Variants in GRM8 observed in about 807,000 individuals in gnomAD.
The protein encoded by GRM8 is metabotropic glutamate receptor 8.
Under a neutral mutation model 87.2 loss-of-function variants are expected in GRM8, and 47 were observed. That is an observed-to-expected ratio of 0.54 (90% CI 0.43 to 0.69). The LOEUF (loss-of-function observed/expected upper bound fraction) is 0.69. Ranked by LOEUF, GRM8 falls within the 30% of genes least tolerant of loss-of-function variation. GRM8 has a pLI of 0.00. For missense variants in GRM8, 1,019 were observed against 1,139.2 expected, an observed-to-expected ratio of 0.89 and a Z score of 1.52; for synonymous variants, 396 against 404.5, an observed-to-expected ratio of 0.98 and a Z score of 0.25.
chr7:126,677,283 T>C (rs886078694), intron 7 of GRM8, among the ~76,000 whole-genome samples: 1 of 148,422 alleles, frequency 6.7e-6, no homozygotes, highest in Non-Finnish European at 1.5e-5. Context: ...CTATAGAAAA[T>C]AGCACGGAAA....
intron 7 of GRM8, among the ~76,000 whole-genome samples, chr7:126,672,986 A>G (rs1186370419): frequency 1.3e-5 from 2 of 152,244 alleles, no homozygotes; most frequent in East Asian, 3.9e-4. Flanking sequence ...TGGCAGTTAG[A>G]TGTATTTCTC....
chr7:127,067,298 C>A (rs528051705), intron 3 of GRM8, among the ~76,000 whole-genome samples: 188 of 152,274 alleles, frequency 1.2e-3, no homozygotes, highest in Non-Finnish European at 1.5e-3. Context: ...AGCATTTCTG[C>A]AACATATACC....
In GRM8 at chr7:126,500,929, C is replaced by T. The variant is rs144383376; in HGVS notation, c.2430+32023G>A. On this transcript the variant is annotated intron_variant, in intron 9 of 10. Transcript: ENST00000339582. ...GCTATTTGCTATTTGTTATGCTCTC[C>T]CTTAGTCTTTGTTTATCAAATCACA... Among the ~76,000 whole-genome samples the T allele has an allele frequency of 8.9e-4, 136 of 152,012 alleles. 1 individual carries two copies. The highest frequency in any genetic ancestry group is 2.7e-3 in the African/African-American group (111 of 41,520).
At chr7:126,972,646 T>C (rs1810546650) in intron 3 of GRM8, among the ~76,000 whole-genome samples, 1 of 152,226 alleles carries the variant, frequency 6.6e-6, no homozygotes, top group African/African-American at 2.4e-5. Context: ...GGAAGGATAT[T>C]GTCAGTTCAT....
chr7:127,119,846 A>C (rs1826926597), intron 2 of GRM8, among the ~76,000 whole-genome samples: 1 of 152,124 alleles, frequency 6.6e-6, no homozygotes, highest in Non-Finnish European at 1.5e-5. Context: ...TTTGTTGGCT[A>C]TTCTTCCCTT....
intron 8 of GRM8, among the ~76,000 whole-genome samples, chr7:126,593,948 GC>G (rs1170189641): frequency 6.6e-6 from 1 of 151,890 alleles, no homozygotes; most frequent in Non-Finnish European, 1.5e-5. Context: ...CTGAATAGAT[GC>G]TTTTCAAAAG....
At chr7:126,727,850 T>A (rs1021271624) in intron 7 of GRM8, among the ~76,000 whole-genome samples, 5 of 152,088 alleles carry the variant, frequency 3.3e-5, no homozygotes, top group Admixed American at 1.3e-4. Flanking sequence ...CCTGAAAACT[T>A]GAGTAGCTGG....
At chr7:126,634,436 C>T (rs922984743) in intron 7 of GRM8, among the ~76,000 whole-genome samples, 1 of 152,170 alleles carries the variant, frequency 6.6e-6, no homozygotes, top group East Asian at 1.9e-4. Context: ...ACCCCACAGG[C>T]AAGTGAAACT....
At chr7:126,986,192 C>T (rs1444533918) in intron 3 of GRM8, among the ~76,000 whole-genome samples, 1 of 151,932 alleles carries the variant, frequency 6.6e-6, no homozygotes, top group African/African-American at 2.4e-5. Flanking sequence ...TTTTTTAAAA[C>T]ATTTTTTGTA....
chr7:126,744,341 A>C (rs1815380885), intron 7 of GRM8, among the ~76,000 whole-genome samples: 7 of 152,080 alleles, frequency 4.6e-5, no homozygotes, highest in Admixed American at 3.3e-4. Flanking sequence ...CTATTAGCTC[A>C]AGAAAAACTG....
At chr7:126,838,439 G>A (rs1192251081) in intron 6 of GRM8, among the ~76,000 whole-genome samples, 1 of 152,074 alleles carries the variant, frequency 6.6e-6, no homozygotes, top group Non-Finnish European at 1.5e-5. Flanking sequence ...AGAGTTTCCT[G>A]GAATTAAAGA....
At chr7:126,754,171 T>C (rs1369517948) in intron 7 of GRM8, among the ~76,000 whole-genome samples, 1 of 151,904 alleles carries the variant, frequency 6.6e-6, no homozygotes, top group Non-Finnish European at 1.5e-5. Flanking sequence ...TCTGTTGGCA[T>C]AGTCCCTTGT....
intron 7 of GRM8, among the ~76,000 whole-genome samples, chr7:126,704,115 G>A (rs1810235270): frequency 6.6e-6 from 1 of 152,070 alleles, no homozygotes; most frequent in Admixed American, 6.6e-5. Flanking sequence ...GGGAAGTCAG[G>A]GACCCCGAAT....
intron 7 of GRM8, among the ~76,000 whole-genome samples, chr7:126,727,270 G>C (rs1363530540): frequency 1.3e-5 from 2 of 151,808 alleles, no homozygotes; most frequent in Non-Finnish European, 2.9e-5. Flanking sequence ...AGTGCATTAA[G>C]AACATACTTT....
chr7:126,641,107 T>A (rs1432548751), intron 7 of GRM8, among the ~76,000 whole-genome samples: 6 of 152,176 alleles, frequency 3.9e-5, no homozygotes, highest in Admixed American at 3.9e-4. Flanking sequence ...ATAGTTAACA[T>A]CAGCTTATAT....
At chr7:126,973,571 T>C (rs1342659401) in intron 3 of GRM8, among the ~76,000 whole-genome samples, 3 of 152,194 alleles carry the variant, frequency 2.0e-5, no homozygotes, top group Non-Finnish European at 4.4e-5. Context: ...TTTAAAAATA[T>C]GCCAAGATCT....
intron 3 of GRM8, among the ~76,000 whole-genome samples, chr7:127,026,246 C>T (rs1262267428): frequency 6.6e-6 from 1 of 152,150 alleles, no homozygotes; most frequent in South Asian, 2.1e-4. Context: ...TCCAGTCTAT[C>T]ATTGTTGGAC....
At chr7:127,193,896 C>G (rs1366453080) in intron 2 of GRM8, among the ~76,000 whole-genome samples, 1 of 152,094 alleles carries the variant, frequency 6.6e-6, no homozygotes, top group Non-Finnish European at 1.5e-5. Context: ...AAAAATACAA[C>G]ATAAGATCCC....
intron 2 of GRM8, among the ~76,000 whole-genome samples, chr7:127,151,103 G>A (rs1828837286): frequency 6.6e-6 from 1 of 151,998 alleles, no homozygotes; most frequent in African/African-American, 2.4e-5. Context: ...GTGGCTGCCT[G>A]GCTCCTTGGT....
Sources: gnomAD v4.1 joint callset for allele counts (sites outside exome capture counted in the v4.1 genomes callset) on GRCh38, gnomAD v4.1.1 for gene constraint, MANE v1.5 for transcripts, NCBI Gene and HGNC (gene_info 2026-07-23, HGNC 2026-07-21) for gene names.